Variants in DOCK9 observed in about 807,000 individuals in gnomAD.
The protein encoded by DOCK9 is dedicator of cytokinesis protein 9.
Under a neutral mutation model 263.3 loss-of-function variants are expected in DOCK9, and 89 were observed. The observed-to-expected ratio is 0.34, with a 90% CI of 0.28 to 0.40. The LOEUF is 0.40. Ranked by LOEUF, DOCK9 falls within the 10% of genes least tolerant of loss-of-function variation. DOCK9 has a pLI of 1.00. For synonymous variants in DOCK9, 976 were observed against 973.1 expected (o/e 1.00, Z -0.06); for missense variants, 2,140 against 2,603.4 (o/e 0.82, Z 3.87).
intron 26 of DOCK9, 43 bp from the exon 27 acceptor site, chr13:98,880,012 T>C (rs1252729777): frequency 6.8e-7 from 1 of 1,471,002 alleles, no homozygotes; most frequent in East Asian, 2.3e-5. Context: ...CACAACAAAC[T>C]GGTAGGTAAG....
At chr13:98,808,947 C>T (rs2091013552) in intron 47 of DOCK9, among the ~76,000 whole-genome samples, 1 of 151,988 alleles carries the variant, frequency 6.6e-6, no homozygotes, top group Admixed American at 6.6e-5. Context: ...TTAAAACATG[C>T]AATATAGATA....
Position 98,837,524 on chromosome 13 carries a change from G to T in DOCK9, c.4284C>A (p.Asp1428Glu). 1 of 1,613,592 alleles carries T rather than the reference G, an allele frequency of 6.2e-7. No homozygotes were observed. The highest frequency in any genetic ancestry group is 8.5e-7 in the Non-Finnish European group (1 of 1,179,602). The change falls in exon 39 of 53, where the codon GAC (aspartate) becomes GAA (glutamate). Residue 1428 changes from aspartate to glutamate, a missense_variant. Physicochemically the swap from Asp to Glu is conservative, Grantham distance 45. Around this residue, in one of 2 missense-constraint regions of DOCK9, gnomAD observed 1,521 missense variants for 1,741.7 expected, o/e 0.87. Transcript: ENST00000682017. ...IATEVCLTALDTLSLFTLAFK... is the reference protein window; with the variant it reads ...IATEVCLTALETLSLFTLAFK... ...ACGCCAATGTAAATAGAGAAAGCGT[G>T]TCCAGAGCTGTCAGGCAAACCTCAG...
At chr13:98,867,340 TATC>T (rs1171166367) in intron 30 of DOCK9, 82 bp downstream of exon 30, 4 of 820,946 alleles carry the variant, frequency 4.9e-6, no homozygotes, top group African/African-American at 3.5e-5. Context: ...AAAATTCAAA[TATC>T]ATGTTTGAAT....
chr13:99,074,449 A>C (rs1399624606), intron 1 of DOCK9, among the ~76,000 whole-genome samples: 1 of 152,250 alleles, frequency 6.6e-6, no homozygotes, highest in Non-Finnish European at 1.5e-5. Context: ...ACTAGAGAGA[A>C]AAGAAAAACA....
At chr13:99,049,224 A>G (rs1203508313) in intron 1 of DOCK9, among the ~76,000 whole-genome samples, 1 of 152,178 alleles carries the variant, frequency 6.6e-6, no homozygotes, top group Non-Finnish European at 1.5e-5. Flanking sequence ...GAGTATGTTT[A>G]CAGTACTTCT....
At position 98,930,265 on chromosome 13, in the gene DOCK9, C is replaced by CA; in HGVS notation, c.244-9dup. The CA allele has an allele frequency of 6.2e-7, 1 of 1,605,256 alleles. No individual in the cohort carries two copies. Among genetic ancestry groups the CA allele is most frequent in the Non-Finnish European group, 8.5e-7 (1 of 1,175,694 alleles). On this transcript the variant is annotated splice_polypyrimidine_tract_variant and intron_variant, in intron 2 of 52. Coordinates refer to ENST00000682017, the MANE Select transcript of DOCK9 (RefSeq NM_001366683.2). ...TCGTCTCAGGATGGCCGTCTGGAAA[C>CA]AAAAACAGGAGGAAAAGCCTTGGGT...
chr13:99,045,556 G>C (rs1566349417), intron 1 of DOCK9, among the ~76,000 whole-genome samples: 1 of 152,060 alleles, frequency 6.6e-6, no homozygotes, highest in African/African-American at 2.4e-5. Flanking sequence ...GTTAGCTAGG[G>C]GGAATACAGT....
upstream of DOCK9, among the ~76,000 whole-genome samples, chr13:98,979,236 A>AGTAGTAGTAGTAGTAGTG (rs1169685646): frequency 6.9e-6 from 1 of 144,058 alleles, no homozygotes; most frequent in African/African-American, 2.6e-5. Flanking sequence ...TAGTAGCAGC[A>AGTAGTAGTAGTAGTAGTG]GCGGCGGCAG....
At chr13:98,896,215 C>T (rs1278948223) in intron 15 of DOCK9, among the ~76,000 whole-genome samples, 2 of 152,184 alleles carry the variant, frequency 1.3e-5, no homozygotes, top group Non-Finnish European at 2.9e-5. Context: ...CTGAAAGAGA[C>T]CTTGAGAATC....
intron 7 of DOCK9, 138 bp from the exon 8 acceptor site, chr13:98,915,641 T>C (rs2050768365): frequency 1.4e-5 from 10 of 690,898 alleles, no homozygotes; most frequent in African/African-American, 7.6e-5. Context: ...CCCCTCCTCA[T>C]GAAAGCCCCC....
At chr13:98,834,302 GAC>G (rs2092900042) in intron 39 of DOCK9, 2 of 152,200 alleles carry the variant, frequency 1.3e-5, no homozygotes, top group Admixed American at 1.3e-4. Flanking sequence ...TTCCCAGTCA[GAC>G]AGTTTTATGT....
chr13:98,971,207 T>C (rs1284218368), intron 1 of DOCK9, among the ~76,000 whole-genome samples: 1 of 152,062 alleles, frequency 6.6e-6, no homozygotes, highest in African/African-American at 2.4e-5. Context: ...GGATCAAAAT[T>C]AGGTCCCTGG....
chr13:98,981,068 T>G (rs1370255937), upstream of DOCK9, among the ~76,000 whole-genome samples: 12 of 152,050 alleles, frequency 7.9e-5, no homozygotes, highest in East Asian at 1.9e-4. Flanking sequence ...TTTGTTTTTT[T>G]TTTTTCAAGG....
chr13:99,022,854 G>A (rs1322110689), intron 1 of DOCK9, among the ~76,000 whole-genome samples: 4 of 152,080 alleles, frequency 2.6e-5, no homozygotes, highest in Admixed American at 2.0e-4. Context: ...AGGCTGAGGC[G>A]AGAAAAATCA....
At chr13:98,874,668 G>T (rs1263246158) in intron 27 of DOCK9, among the ~76,000 whole-genome samples, 1 of 152,156 alleles carries the variant, frequency 6.6e-6, no homozygotes, top group Admixed American at 6.5e-5. Context: ...TGCAGTTAGA[G>T]AGCTAAACAA....
intron 1 of DOCK9, among the ~76,000 whole-genome samples, chr13:99,070,699 G>A (rs75266599): frequency 0.017 from 2,657 of 152,296 alleles, 89 homozygotes; most frequent in African/African-American, 0.061. Context: ...TGAGAAGGCA[G>A]AACTAGTAGA....
intron 50 of DOCK9, among the ~76,000 whole-genome samples, chr13:98,798,168 G>A (rs1363968599): frequency 6.6e-6 from 1 of 152,182 alleles, no homozygotes; most frequent in Admixed American, 6.5e-5. Context: ...AAAGAAGGCT[G>A]GACACACTGG....
intron 1 of DOCK9, among the ~76,000 whole-genome samples, chr13:99,048,229 A>G (rs750100512): frequency 6.6e-6 from 1 of 152,182 alleles, no homozygotes; most frequent in Non-Finnish European, 1.5e-5. Flanking sequence ...GCCGGCTCAA[A>G]GCCAACAGCA....
At chr13:98,912,120 C>A (rs2050152279) in intron 9 of DOCK9, among the ~76,000 whole-genome samples, 2 of 152,100 alleles carry the variant, frequency 1.3e-5, no homozygotes, top group Non-Finnish European at 1.5e-5. Context: ...GATCCGCTCA[C>A]CTCAGCCTCC....
Sources: allele counts gnomAD v4.1 joint callset (sites outside exome capture counted in the v4.1 genomes callset), GRCh38; gene constraint gnomAD v4.1.1; regional missense constraint gnomAD v4.1.1; transcripts MANE v1.5; gene names NCBI Gene and HGNC (gene_info 2026-07-23, HGNC 2026-07-21).